The following BNC2 variants were observed in gnomAD, a reference collection of about 807,000 sequenced individuals.
BNC2 encodes basonuclin zinc finger protein 2, also known as zinc finger protein basonuclin-2.
Under a neutral mutation model 76.3 loss-of-function variants are expected in BNC2, and 20 were observed. The observed-to-expected ratio is 0.26, with a 90% CI of 0.18 to 0.38. The LOEUF (loss-of-function observed/expected upper bound fraction) is 0.38, where lower values mean the gene tolerates loss of function less well. Ranked by LOEUF, BNC2 falls within the 10% of genes least tolerant of loss-of-function variation. BNC2 has a pLI of 1.00. For synonymous variants in BNC2, 582 were observed against 514.8 expected, an observed-to-expected ratio of 1.13 and a Z score of -1.77; for missense variants, 1,382 against 1,399.8, an observed-to-expected ratio of 0.99 and a Z score of 0.20.
At position 16,492,153 on chromosome 9, in the gene BNC2, T is replaced by TA. The variant is rs140276285; in HGVS notation, c.670-54630dup. Among the ~76,000 whole-genome samples, 249 of 146,660 alleles carry TA rather than the reference T, an allele frequency of 1.7e-3. 1 individual carries two copies. Among genetic ancestry groups the TA allele is most frequent in the African/African-American group, 5.0e-3 (202 of 40,240 alleles). ...TTTTTTTCTTTTTTTTCCCCACCCTTAAAAAAAAAACAAAAACAATCCTGC... is the reference window on the plus strand; with the variant it reads ...TTTTTTTCTTTTTTTTCCCCACCCTTAAAAAAAAAAACAAAAACAATCCTGC... On this transcript the variant is annotated intron_variant, in intron 5 of 6. Transcript: ENST00000380672.
intron 2 of BNC2, among the ~76,000 whole-genome samples, chr9:16,732,371 T>G (rs1454236213): frequency 1.3e-5 from 2 of 152,128 alleles, no homozygotes; most frequent in Non-Finnish European, 2.9e-5. Flanking sequence ...ATAAGTTATG[T>G]AACTGCAGGC....
At chr9:16,603,294 A>C (rs781188179) in intron 3 of BNC2, among the ~76,000 whole-genome samples, 5 of 152,204 alleles carry the variant, frequency 3.3e-5, no homozygotes, top group African/African-American at 4.8e-5. Context: ...ATTTACTTCT[A>C]CACAGTGTCA....
intron 5 of BNC2, among the ~76,000 whole-genome samples, chr9:16,494,686 T>C (rs1160318726): frequency 1.3e-5 from 2 of 151,860 alleles, no homozygotes; most frequent in East Asian, 1.9e-4. Context: ...CAGTCAGAGA[T>C]GAAGGGAAAA....
At chr9:16,801,481 C>T (rs1476306232) in intron 1 of BNC2, among the ~76,000 whole-genome samples, 1 of 151,696 alleles carries the variant, frequency 6.6e-6, no homozygotes, top group African/African-American at 2.4e-5. Flanking sequence ...CGTGATCTAC[C>T]CACCTCAGCC....
intron 1 of BNC2, among the ~76,000 whole-genome samples, chr9:16,848,212 A>C (rs1264565110): frequency 6.6e-6 from 1 of 152,208 alleles, no homozygotes; most frequent in East Asian, 1.9e-4. Context: ...TATCAAAGTA[A>C]AGAGAAGGCA....
chr9:16,762,682 G>C (rs1246482947), intron 1 of BNC2, among the ~76,000 whole-genome samples: 2 of 152,186 alleles, frequency 1.3e-5, no homozygotes, highest in African/African-American at 2.4e-5. Context: ...ACGAGGAACA[G>C]AGCCTGGCTT....
At chr9:16,718,561 G>A (rs1300354227) in intron 3 of BNC2, among the ~76,000 whole-genome samples, 5 of 152,058 alleles carry the variant, frequency 3.3e-5, no homozygotes, top group Non-Finnish European at 7.4e-5. Context: ...CTATCCTAGC[G>A]CAATTCTAAT....
intron 5 of BNC2, among the ~76,000 whole-genome samples, chr9:16,508,460 T>G (rs1183715220): frequency 6.6e-6 from 1 of 152,214 alleles, no homozygotes; most frequent in Non-Finnish European, 1.5e-5. Context: ...TCATAATTCT[T>G]GTTGATTCTC....
intron 5 of BNC2, among the ~76,000 whole-genome samples, chr9:16,495,480 T>A (rs931311204): frequency 6.6e-6 from 1 of 152,200 alleles, no homozygotes; most frequent in Non-Finnish European, 1.5e-5. Context: ...GTTCCTGGGT[T>A]GCCTGTAAAC....
At chr9:16,780,972 TAAAGA>T (rs1826136349) in intron 1 of BNC2, among the ~76,000 whole-genome samples, 1 of 151,894 alleles carries the variant, frequency 6.6e-6, no homozygotes, top group Admixed American at 6.6e-5. Context: ...ATCATGCACT[TAAAGA>T]AAATTCTCTA....
At chr9:16,588,461 T>TTACTA (rs1819833719) in intron 3 of BNC2, among the ~76,000 whole-genome samples, 1 of 152,094 alleles carries the variant, frequency 6.6e-6, no homozygotes, top group Non-Finnish European at 1.5e-5. Flanking sequence ...TTCAGAAACG[T>TTACTA]TTATGTGTTT....
intron 3 of BNC2, chr9:16,685,647 G>A (rs563322442): frequency 1.2e-5 from 16 of 1,295,116 alleles, no homozygotes; most frequent in South Asian, 7.4e-5. Flanking sequence ...ATACAGCCAC[G>A]TTAGATGCTG....
intron 3 of BNC2, among the ~76,000 whole-genome samples, chr9:16,677,475 A>T (rs1822680213): frequency 6.6e-6 from 1 of 151,984 alleles, no homozygotes. Flanking sequence ...CGGGAGGCTG[A>T]GGCAGGAGAA....
chr9:16,858,464 C>T (rs1819316737), intron 1 of BNC2, among the ~76,000 whole-genome samples: 1 of 152,198 alleles, frequency 6.6e-6, no homozygotes, highest in South Asian at 2.1e-4. Flanking sequence ...AGCCTTTACT[C>T]TTCTGAGGAT....
chr9:16,765,341 A>T (rs11793056), intron 1 of BNC2, among the ~76,000 whole-genome samples: 1 of 152,030 alleles, frequency 6.6e-6, no homozygotes, highest in Non-Finnish European at 1.5e-5. Context: ...AAATATACAC[A>T]TAAGATTTAA....
intron 1 of BNC2, among the ~76,000 whole-genome samples, chr9:16,780,093 G>A (rs10962587): frequency 0.017 from 2,621 of 151,572 alleles, 60 homozygotes; most frequent in East Asian, 0.12. Flanking sequence ...AAAATTAGCC[G>A]GGCGCGGTGG....
At chr9:16,567,334 T>C (rs1819198546) in intron 4 of BNC2, among the ~76,000 whole-genome samples, 1 of 145,374 alleles carries the variant, frequency 6.9e-6, no homozygotes, top group South Asian at 2.7e-4. Context: ...ATATGTACTT[T>C]TAACTATACT....
intron 5 of BNC2, among the ~76,000 whole-genome samples, chr9:16,544,181 G>A (rs1460416307): frequency 4.6e-5 from 7 of 152,066 alleles, no homozygotes; most frequent in Non-Finnish European, 1.0e-4. Flanking sequence ...AGAGCTCACC[G>A]ATTAGAGTGC....
chr9:16,467,868 T>G (rs1409370291), intron 5 of BNC2, among the ~76,000 whole-genome samples: 1 of 151,830 alleles, frequency 6.6e-6, no homozygotes, highest in Non-Finnish European at 1.5e-5. Context: ...AATGCCATCT[T>G]CTGGATAACA....
Sources: gnomAD v4.1 joint callset for allele counts (sites outside exome capture counted in the v4.1 genomes callset) on GRCh38, gnomAD v4.1.1 for gene constraint, MANE v1.5 for transcripts, NCBI Gene and HGNC (gene_info 2026-07-23, HGNC 2026-07-21) for gene names.